Variants in SYBU observed in about 807,000 individuals in gnomAD.
SYBU encodes syntabulin, also known as GOLSYN A protein.
SYBU carries 21 observed loss-of-function variants against 35.9 expected under a neutral mutation model. The ratio of observed to expected loss-of-function variants is 0.58; its 90% CI spans 0.41 to 0.84. The LOEUF (loss-of-function observed/expected upper bound fraction) is 0.84, where lower values mean the gene tolerates loss of function less well. Among genes scored for constraint, SYBU ranks in the 40% least tolerant of loss-of-function variants. The pLI is 0.00. For synonymous variants in SYBU, 319 were observed against 324.3 expected, an observed-to-expected ratio of 0.98 and a Z score of 0.18; for missense variants, 768 against 848.2, an observed-to-expected ratio of 0.91 and a Z score of 1.17.
At chr8:109,664,630 A>G (rs1816692941) in intron 1 of SYBU, among the ~76,000 whole-genome samples, 1 of 152,204 alleles carries the variant, frequency 6.6e-6, no homozygotes, top group Non-Finnish European at 1.5e-5. Flanking sequence ...AGATTAGAAG[A>G]GGGAGAGTCC....
At chr8:109,607,808 TCACACACACACA>T (rs71305960) in intron 3 of SYBU, 4,515 of 376,460 alleles carry the variant, frequency 0.012, 5 homozygotes, top group South Asian at 0.066. Context: ...CACAACTAAC[TCACACACACACA>T]CACACACACA....
At chr8:109,591,543 G>A (rs1219442252) in intron 3 of SYBU, among the ~76,000 whole-genome samples, 5 of 114,854 alleles carry the variant, frequency 4.4e-5, no homozygotes, top group Middle Eastern at 8.8e-3. Context: ...ACGGAGTCTC[G>A]CTCTGTGGCC....
At chr8:109,627,744 G>T (rs1341793553) in intron 2 of SYBU, among the ~76,000 whole-genome samples, 2 of 152,212 alleles carry the variant, frequency 1.3e-5, no homozygotes, top group Non-Finnish European at 2.9e-5. Flanking sequence ...GACAAAGGAA[G>T]CTGTTAGAAA....
intron 1 of SYBU, among the ~76,000 whole-genome samples, chr8:109,654,051 T>G (rs1159553227): frequency 6.8e-6 from 1 of 146,032 alleles, no homozygotes; most frequent in Non-Finnish European, 1.5e-5. Context: ...CGTTAGCTAT[T>G]TTTTTTTATA....
At chr8:109,619,605 T>C (rs1468961316) in intron 2 of SYBU, among the ~76,000 whole-genome samples, 1 of 152,240 alleles carries the variant, frequency 6.6e-6, no homozygotes, top group Non-Finnish European at 1.5e-5. Context: ...TTCAACACTT[T>C]ATATAGTGTA....
At chr8:109,612,856 T>C (rs1811330969) in intron 3 of SYBU, among the ~76,000 whole-genome samples, 1 of 152,126 alleles carries the variant, frequency 6.6e-6, no homozygotes, top group South Asian at 2.1e-4. Context: ...GGCAGGCACC[T>C]GTAATCCCAG....
chr8:109,637,538 A>G (rs953569290), intron 2 of SYBU, among the ~76,000 whole-genome samples: 2 of 151,838 alleles, frequency 1.3e-5, no homozygotes, highest in Non-Finnish European at 2.9e-5. Flanking sequence ...TTATTATACT[A>G]CATTTCCTAG....
intron 3 of SYBU, among the ~76,000 whole-genome samples, chr8:109,599,129 C>T (rs2703390): frequency 0.1 from 15,908 of 152,186 alleles, 1,112 homozygotes; most frequent in East Asian, 0.34. Flanking sequence ...AAAGTCTTAA[C>T]GAAATCATCA....
At chr8:109,614,858 G>C (rs1428868261) in intron 3 of SYBU, among the ~76,000 whole-genome samples, 1 of 152,206 alleles carries the variant, frequency 6.6e-6, no homozygotes, top group African/African-American at 2.4e-5. Context: ...ATGACAGAAG[G>C]CTCACCGCCT....
At chr8:109,689,173 G>A (rs1817587670) in intron 1 of SYBU, among the ~76,000 whole-genome samples, 1 of 152,052 alleles carries the variant, frequency 6.6e-6, no homozygotes. Flanking sequence ...AGACTCACAG[G>A]AAGTTGTAAA....
intron 4 of SYBU, among the ~76,000 whole-genome samples, chr8:109,581,795 G>T (rs539558432): frequency 6.6e-6 from 1 of 152,298 alleles, no homozygotes; most frequent in South Asian, 2.1e-4. Context: ...ATTTCAACTG[G>T]CTGTCAACCT....
rs544954815 is a variant in SYBU, at chr8:109,586,282, A to G, written c.428-120T>C. The G allele has an allele frequency of 3.5e-4, 239 of 681,838 alleles. 1 individual carries two copies. The African/African-American group carries it at 4.0e-3, about 11-fold the overall frequency. The allele number at this position is 681,838 out of a possible 1,614,324, so 42.2% of individuals were successfully genotyped here. On this transcript the variant is annotated intron_variant, in intron 3 of 6. Transcript: ENST00000276646. ...TTGCACACTATTGGCAAGTGCCAAG[A>G]TTCCAGGGCTTCCAGGCTCACAGCA... is the stretch of plus-strand genomic sequence containing the variant.
intron 3 of SYBU, among the ~76,000 whole-genome samples, chr8:109,588,220 G>A (rs73702897): frequency 0.028 from 4,233 of 152,300 alleles, 171 homozygotes; most frequent in African/African-American, 0.091. Flanking sequence ...TAATTGAACT[G>A]CTTGCCTAAA....
At chr8:109,629,461 C>A (rs1293936496) in intron 2 of SYBU, among the ~76,000 whole-genome samples, 1 of 152,188 alleles carries the variant, frequency 6.6e-6, no homozygotes, top group Non-Finnish European at 1.5e-5. Context: ...AGTGTTTACG[C>A]CACCTGTTCA....
In SYBU at chr8:109,586,158, A is replaced by G. The variant is rs1272087254; in HGVS notation, c.432T>C (p.Ser144=). The change falls in exon 4 of 7, where the codon AGT becomes AGC. Residue 144 remains serine, a synonymous_variant. Transcript: ENST00000276646. ...TGCTCGAGGAGCTAAAATCAGCTTC[A>G]CTACCTGAAAAACAACAGGGGAGAG... ...ESKSGLVKPG[S]EADFSSSSST... The G allele has an allele frequency of 1.4e-5, 22 of 1,603,436 alleles. 1 individual carries two copies. In the South Asian group the frequency reaches 1.6e-4, roughly 12 times the overall value.
chr8:109,635,743 C>T (rs1039919319), intron 2 of SYBU, among the ~76,000 whole-genome samples: 2 of 152,154 alleles, frequency 1.3e-5, no homozygotes, highest in African/African-American at 4.8e-5. Flanking sequence ...TAGACTGCAG[C>T]AGTGTCCTTC....
At chr8:109,652,874 A>G (rs1262371597) in intron 1 of SYBU, among the ~76,000 whole-genome samples, 1 of 152,230 alleles carries the variant, frequency 6.6e-6, no homozygotes, top group Non-Finnish European at 1.5e-5. Flanking sequence ...ACTTTAGGCA[A>G]GCTAGGTAAC....
rs533600953 is a variant in SYBU at position 109,624,743 on chromosome 8, T to C, written c.230-5704A>G. 1.8e-4 allele frequency among the ~76,000 whole-genome samples: 28 copies of C among 152,322 alleles called. No individual in the cohort carries two copies. In the South Asian group the frequency reaches 5.4e-3, roughly 29 times the overall value. On this transcript the variant is annotated intron_variant, in intron 2 of 6. Transcript: ENST00000276646. ...AAGCTAATGTTCACCTTATGAAATATATAGAAAATAGAATAATGAGTTAAA... is the reference window on the plus strand; with the variant it reads ...AAGCTAATGTTCACCTTATGAAATACATAGAAAATAGAATAATGAGTTAAA...
At chr8:109,684,092 T>G (rs1817465398), upstream of SYBU, among the ~76,000 whole-genome samples, 1 of 152,214 alleles carries the variant, frequency 6.6e-6, no homozygotes, top group African/African-American at 2.4e-5. Context: ...ATGCATAACT[T>G]TATTATTATT....
Sources: allele counts gnomAD v4.1 joint callset (sites outside exome capture counted in the v4.1 genomes callset), GRCh38; gene constraint gnomAD v4.1.1; transcripts MANE v1.5; gene names NCBI Gene and HGNC (gene_info 2026-07-23, HGNC 2026-07-21).